The following GPM6B variants were observed in gnomAD, a reference collection of about 807,000 sequenced individuals.
The protein encoded by GPM6B is neuronal membrane glycoprotein M6-b.
GPM6B carries 4 observed loss-of-function variants against 27.2 expected under a neutral mutation model. The ratio of observed to expected loss-of-function variants is 0.15; its 90% CI spans 0.07 to 0.34. The LOEUF is 0.34. GPM6B is among the 10% of genes least tolerant of loss of function. The probability of loss-of-function intolerance (pLI) is 1.00; values close to 1 mark genes in which losing one functional copy is unlikely to be tolerated. For synonymous variants in GPM6B, 124 were observed against 103.1 expected, an observed-to-expected ratio of 1.20 and a Z score of -1.23; for missense variants, 183 against 261.9, an observed-to-expected ratio of 0.70 and a Z score of 2.08.
intron 1 of GPM6B, among the ~76,000 whole-genome samples, chrX:13,858,219 C>G (rs1209867949): frequency 3.6e-5 from 4 of 111,866 alleles, no homozygotes. Context: ...ATATTTGTGC[C>G]TTGTCATCTC....
intron 5 of GPM6B, among the ~76,000 whole-genome samples, chrX:13,779,364 G>C (rs1428310538): frequency 6.2e-5 from 7 of 112,458 alleles, no homozygotes; most frequent in African/African-American, 2.3e-4. Flanking sequence ...TACAGATGAA[G>C]TTTAAGCAGT....
intron 2 of GPM6B, among the ~76,000 whole-genome samples, chrX:13,803,325 GCGA>G (rs2048957978): frequency 9.0e-6 from 1 of 110,520 alleles, no homozygotes; most frequent in Non-Finnish European, 1.9e-5. Flanking sequence ...CAACCCCGTG[GCGA>G]CTCAGGAATC....
At chrX:13,836,506 T>C (rs902027860) in intron 1 of GPM6B, among the ~76,000 whole-genome samples, 5 of 112,619 alleles carry the variant, frequency 4.4e-5, no homozygotes, top group Non-Finnish European at 9.4e-5. Context: ...CAAAGATTTG[T>C]CATGCTTTAG....
At chrX:13,773,253 G>GA (rs1459030479) in intron 7 of GPM6B, 4 of 271,550 alleles carry the variant, frequency 1.5e-5, no homozygotes, top group African/African-American at 5.7e-5. Context: ...TAGTGAACTG[G>GA]AAAAAAATGG....
At chrX:13,935,335 CAA>C (rs60400361) in intron 1 of GPM6B, among the ~76,000 whole-genome samples, 845 of 42,635 alleles carry the variant, frequency 0.02, 9 homozygotes, top group African/African-American at 0.07. Context: ...CCTATCTCTA[CAA>C]AAAAAAAAAA....
intron 7 of GPM6B, chrX:13,773,518 ATTAAATGAATGTCAAAACCAAAAT>A (rs2048342180): frequency 8.9e-6 from 1 of 111,967 alleles, no homozygotes; most frequent in Non-Finnish European, 1.9e-5. Context: ...CATGGAAAAA[ATTAAATGAATGTCAAAACCAAAAT>A]TAAGAACTAT....
At chrX:13,820,854 A>T (rs1484763481), upstream of GPM6B, among the ~76,000 whole-genome samples, 1 of 111,644 alleles carries the variant, frequency 9.0e-6, no homozygotes, top group East Asian at 2.8e-4. Context: ...TTTTAAATCA[A>T]TGTTAAACAA....
chrX:13,935,335 CAAA>C (rs60400361), intron 1 of GPM6B, among the ~76,000 whole-genome samples: 1 of 42,723 alleles, frequency 2.3e-5, no homozygotes, highest in African/African-American at 8.7e-5. Flanking sequence ...CCTATCTCTA[CAAA>C]AAAAAAAAAA....
In GPM6B at chrX:13,784,734, T is replaced by C. The variant is rs774953583; in HGVS notation, c.368+888A>G. 1.3e-3 allele frequency among the ~76,000 whole-genome samples: 144 copies of C among 111,852 alleles called. 1 individual carries two copies. The highest frequency in any genetic ancestry group is 4.6e-3 in the African/African-American group (142 of 30,778). On this transcript the variant is annotated intron_variant, in intron 3 of 7. Coordinates refer to ENST00000316715, the MANE Select transcript of GPM6B (RefSeq NM_001001995.3). ...ATGTGTGGGAGTCACTGCGACTCCA[T>C]TGAGAATGTTTCCAGAAAGAAAGGC...
intron 1 of GPM6B, among the ~76,000 whole-genome samples, chrX:13,919,745 C>A (rs2050460193): frequency 9.0e-6 from 1 of 111,489 alleles, no homozygotes; most frequent in South Asian, 3.8e-4. Context: ...TCATCCTTAA[C>A]AATTACCCAA....
At chrX:13,895,430 T>C (rs1324307347) in intron 1 of GPM6B, among the ~76,000 whole-genome samples, 1 of 109,431 alleles carries the variant, frequency 9.1e-6, no homozygotes, top group Non-Finnish European at 1.9e-5. Context: ...GACCAAAAGC[T>C]GGGGGTGGGG....
intron 1 of GPM6B, among the ~76,000 whole-genome samples, chrX:13,893,221 C>T (rs2050203484): frequency 9.0e-6 from 1 of 111,125 alleles, no homozygotes; most frequent in Non-Finnish European, 1.9e-5. Context: ...AATATCAAGT[C>T]AAAGATTTTC....
At chrX:13,902,566 C>T (rs867668077) in intron 1 of GPM6B, among the ~76,000 whole-genome samples, 1 of 110,886 alleles carries the variant, frequency 9.0e-6, no homozygotes, top group South Asian at 3.8e-4. Context: ...GTCTCTGCTC[C>T]TCAGTCCAGC....
chrX:13,911,240 C>A (rs749737006), intron 1 of GPM6B, among the ~76,000 whole-genome samples: 4 of 112,220 alleles, frequency 3.6e-5, no homozygotes, highest in African/African-American at 9.7e-5. Flanking sequence ...GAAGTCACTG[C>A]AGTACTGATG....
At chrX:13,854,883 ATTTTAAC>A (rs1442902764) in intron 1 of GPM6B, among the ~76,000 whole-genome samples, 1 of 111,740 alleles carries the variant, frequency 8.9e-6, no homozygotes. Flanking sequence ...CTCTCAACCA[ATTTTAAC>A]TTTTAATTGA....
rs979723321 is a variant in GPM6B, at chrX:13,772,154, T to C, written c.*727A>G. On this transcript the variant is annotated 3_prime_UTR_variant, in exon 8 of 8. Transcript: ENST00000316715. ...TGACATTTCTCAAGAATAATGAAAA[T>C]TGGATCAGTATTTTGTTAAAATGAA... 5 of 112,534 alleles carry C rather than the reference T, an allele frequency of 4.4e-5. No individual in the cohort carries two copies. The highest frequency in any genetic ancestry group is 7.5e-5 in the Non-Finnish European group (4 of 53,178). The allele number at this position is 112,534 out of a possible 1,213,427, so 9.3% of individuals were successfully genotyped here. A position where few individuals can be genotyped will look rare whatever the true frequency, so the allele number is the denominator to read the frequency against.
intron 1 of GPM6B, among the ~76,000 whole-genome samples, chrX:13,810,311 G>A (rs138997010): frequency 7.1e-5 from 8 of 111,966 alleles, no homozygotes; most frequent in Non-Finnish European, 1.1e-4. Flanking sequence ...AGGGGGCTAT[G>A]AGCCCTCCAC....
intron 1 of GPM6B, among the ~76,000 whole-genome samples, chrX:13,837,719 G>T (rs1172814563): frequency 2.3e-5 from 2 of 86,806 alleles, no homozygotes; most frequent in African/African-American, 8.1e-5. Context: ...GTGGGGGGGG[G>T]GGGGGGGGGA....
At chrX:13,928,398 T>G (rs967014490) in intron 1 of GPM6B, among the ~76,000 whole-genome samples, 5 of 112,546 alleles carry the variant, frequency 4.4e-5, no homozygotes, top group Non-Finnish European at 9.4e-5. Context: ...TAAAAATATT[T>G]GTGACATCAT....
Sources: allele counts gnomAD v4.1 joint callset (sites outside exome capture counted in the v4.1 genomes callset), GRCh38; gene constraint gnomAD v4.1.1; transcripts MANE v1.5; gene names NCBI Gene and HGNC (gene_info 2026-07-23, HGNC 2026-07-21).